The following ANKRD33B variants were observed in gnomAD, a reference collection of about 807,000 sequenced individuals.
The protein encoded by ANKRD33B is ankyrin repeat domain-containing protein 33B.
ANKRD33B carries 6 observed loss-of-function variants against 21.5 expected under a neutral mutation model. The ratio of observed to expected loss-of-function variants is 0.28; its 90% CI spans 0.15 to 0.55. The LOEUF (loss-of-function observed/expected upper bound fraction) is 0.55. ANKRD33B is among the 20% of genes least tolerant of loss of function. The pLI is 0.94. For synonymous variants in ANKRD33B, 347 were observed against 342.4 expected (o/e 1.01, Z -0.15); for missense variants, 698 against 747.2 (o/e 0.93, Z 0.77).
chr5:10,639,016 G>A (rs371286108), intron 3 of ANKRD33B, among the ~76,000 whole-genome samples: 3,467 of 80,448 alleles, frequency 0.043, 35 homozygotes, highest in African/African-American at 0.098. Context: ...AGGCGGTGAC[G>A]CGGAGTTGCG....
rs1737366889 is a variant in ANKRD33B, at chr5:10,651,952, G to A, written c.*1839G>A. 6.6e-6 allele frequency: 1 copy of A among 152,376 alleles called. No individual in the cohort carries two copies. Among genetic ancestry groups the A allele is most frequent in the Non-Finnish European group, 1.5e-5 (1 of 68,060 alleles). 9.4% of individuals were successfully genotyped at this position (152,376 alleles called of 1,614,324 possible). On this transcript the variant is annotated 3_prime_UTR_variant, in exon 4 of 4. Transcript: ENST00000296657. Reference sequence around the variant, plus strand: ...AAGGGCACCATGATGAATGCCACAGGAGACTGGACCCTCTTTGAGAACTGC... The same window carrying A: ...AAGGGCACCATGATGAATGCCACAGAAGACTGGACCCTCTTTGAGAACTGC...
Position 10,564,769 on chromosome 5 carries a change from TGCG to T in ANKRD33B, c.304_306del (p.Arg102del). On this transcript the variant is annotated inframe_deletion, in exon 1 of 4. Transcript: ENST00000296657. ...GCCTGCGCCAACAACGTGGGGCTGC[TGCG>T]GACGCTGGTGCGGCGCGGGGTGAGC... 6.5e-7 allele frequency: 1 copy of T among 1,526,736 alleles called. No individual in the cohort carries two copies. The highest frequency in any genetic ancestry group is 8.8e-7 in the Non-Finnish European group (1 of 1,140,824). 94.6% of individuals were successfully genotyped at this position (1,526,736 alleles called of 1,614,324 possible).
chr5:10,571,980 C>T (rs953252148), intron 1 of ANKRD33B, among the ~76,000 whole-genome samples: 1 of 151,936 alleles, frequency 6.6e-6, no homozygotes, highest in Admixed American at 6.6e-5. Flanking sequence ...CCTCTGCCTC[C>T]CAGGTTCAAG....
In ANKRD33B at chr5:10,634,171, G is replaced by A. The variant is rs767364089; in HGVS notation, c.497-3857G>A. On this transcript the variant is annotated intron_variant, in intron 2 of 3. Transcript: ENST00000296657. Reference sequence around the variant, plus strand: ...AAAAGCTGACTTCCAAAAGACACCCGGATTCTGAGTGGCAGGCCTGGGCCT... The same window carrying A: ...AAAAGCTGACTTCCAAAAGACACCCAGATTCTGAGTGGCAGGCCTGGGCCT... 3.9e-5 allele frequency among the ~76,000 whole-genome samples: 6 copies of A among 152,326 alleles called. No individual in the cohort carries two copies. In the East Asian group the frequency reaches 7.7e-4, roughly 20 times the overall value.
In ANKRD33B at chr5:10,650,270, C is replaced by G. The variant is rs1737315568; in HGVS notation, c.*157C>G. The G allele has an allele frequency of 4.8e-6, 4 of 825,936 alleles. No individual in the cohort carries two copies. The highest frequency in any genetic ancestry group is 5.0e-6 in the Non-Finnish European group (3 of 599,454). 51.2% of individuals were successfully genotyped at this position (825,936 alleles called of 1,614,324 possible). On this transcript the variant is annotated 3_prime_UTR_variant, in exon 4 of 4. Coordinates refer to ENST00000296657, the MANE Select transcript of ANKRD33B (RefSeq NM_001164440.2). Reference sequence around the variant, plus strand: ...TCCAGGCTGTTTGTCCAGGCTGCTTCCAAGAGAGGGCTGAGGGAGCCACAT... The same window carrying G: ...TCCAGGCTGTTTGTCCAGGCTGCTTGCAAGAGAGGGCTGAGGGAGCCACAT...
chr5:10,649,951 G>A lies in ANKRD33B; in HGVS notation c.1323G>A (p.Pro441=), dbSNP rs1737299734. Residue 441 remains proline, a synonymous_variant, in exon 4 of 4, where the codon CCG becomes CCA. Transcript: ENST00000296657. ...CGCCCACCTTCCAGCCCGAGCGGCC[G>A]GCGCGGAAGGGCAGCACCAAGGACA... ...APAPTFQPER[P]ARKGSTKDSG... 4 of 1,530,298 alleles carry A rather than the reference G, an allele frequency of 2.6e-6. No homozygotes were observed. The highest frequency in any genetic ancestry group is 2.5e-5 in the East Asian group (1 of 40,470). The allele number at this position is 1,530,298 out of a possible 1,614,324, so 94.8% of individuals were successfully genotyped here. A position where few individuals can be genotyped will look rare whatever the true frequency, so the allele number is the denominator to read the frequency against.
In ANKRD33B at chr5:10,576,986, C is replaced by T. The variant is rs766509263; in HGVS notation, c.366+12153C>T. On this transcript the variant is annotated intron_variant, in intron 1 of 3. Coordinates refer to ENST00000296657, the MANE Select transcript of ANKRD33B (RefSeq NM_001164440.2). This position sits in a 1 kb window ranked among gnomAD's most constrained non-coding sequence, Gnocchi z 4.1. ...AGCCTGTTGTGGGTGGGAGGAGAATCGGAAGCGGCATAAGGAGAGTTTTTC... is the reference window on the plus strand; with the variant it reads ...AGCCTGTTGTGGGTGGGAGGAGAATTGGAAGCGGCATAAGGAGAGTTTTTC... 1.2e-4 allele frequency among the ~76,000 whole-genome samples: 19 copies of T among 152,132 alleles called. No individual in the cohort carries two copies. The highest frequency in any genetic ancestry group is 2.2e-4 in the Non-Finnish European group (15 of 68,018).
At chr5:10,637,852 CCT>C (rs1411732286) in intron 2 of ANKRD33B, among the ~76,000 whole-genome samples, 174 bp from the exon 3 acceptor site, 9 of 152,124 alleles carry the variant, frequency 5.9e-5, no homozygotes, top group African/African-American at 1.9e-4. Context: ...CTTCTCCTTT[CCT>C]CTGTTTCCTG....
Position 10,650,145 on chromosome 5 carries a change from T to TGGGGCC in ANKRD33B, c.*38_*43dup. On this transcript the variant is annotated 3_prime_UTR_variant, in exon 4 of 4. Coordinates refer to ENST00000296657, the MANE Select transcript of ANKRD33B (RefSeq NM_001164440.2). The stretch of plus-strand genomic sequence containing the variant: ...GTGTGCCTGGCGCTGGGGCCGGGGC[T>TGGGGCC]GGGGCCGGGGCGGGGCCGCAGGGCT... 1.4e-6 allele frequency: 1 copy of TGGGGCC among 740,618 alleles called. No individual in the cohort carries two copies. The highest frequency in any genetic ancestry group is 1.8e-6 in the Non-Finnish European group (1 of 555,528). The allele number at this position is 740,618 out of a possible 1,614,324, so 45.9% of individuals were successfully genotyped here.
rs1254409452 is a variant in ANKRD33B, at chr5:10,650,933, GA to G, written c.*827del. 2.0e-5 allele frequency: 3 copies of G among 152,158 alleles called. No homozygotes were observed. The highest frequency in any genetic ancestry group is 7.2e-5 in the African/African-American group (3 of 41,388). 9.4% of individuals were successfully genotyped at this position (152,158 alleles called of 1,614,324 possible). Reference sequence around the variant, plus strand: ...TCTTTAACATTAAAAATAGATATGAGAAAAAAACTGTCATTCGATAAAATGA... The same window carrying G: ...TCTTTAACATTAAAAATAGATATGAGAAAAAACTGTCATTCGATAAAATGA... On this transcript the variant is annotated 3_prime_UTR_variant, in exon 4 of 4. Transcript: ENST00000296657.
chr5:10,637,915 C>T, intron 2 of ANKRD33B, 113 bp from the exon 3 acceptor site: 1 of 1,241,070 alleles, frequency 8.1e-7, no homozygotes, highest in Admixed American at 2.5e-5. Context: ...ACACAGCAGA[C>T]CGGCTGGCCC....
At chr5:10,610,373 G>T (rs1736142564) in intron 1 of ANKRD33B, among the ~76,000 whole-genome samples, 1 of 152,068 alleles carries the variant, frequency 6.6e-6, no homozygotes, top group South Asian at 2.1e-4. Context: ...AATGGGTAGA[G>T]ACCAGGGATT....
chr5:10,585,314 A>G (rs369972298), intron 1 of ANKRD33B, among the ~76,000 whole-genome samples: 2 of 152,316 alleles, frequency 1.3e-5, no homozygotes, highest in Admixed American at 1.3e-4. Flanking sequence ...GTTTAAATCA[A>G]CAAGTGTTTT....
chr5:10,610,412 G>A lies in ANKRD33B; in HGVS notation c.367-7921G>A, dbSNP rs369734713. Among the ~76,000 whole-genome samples the A allele has an allele frequency of 4.9e-3, 670 of 135,444 alleles. 11 individuals are homozygous for A. Among genetic ancestry groups the A allele is most frequent in the African/African-American group, 0.019 (646 of 33,734 alleles). The allele number at this position is 135,444 out of a possible 152,430, so 88.9% of individuals were successfully genotyped here. A position where few individuals can be genotyped will look rare whatever the true frequency, so the allele number is the denominator to read the frequency against. Reference sequence around the variant, plus strand: ...TAGTACAGGGGACAGCCCCCCCCCCGAATAAAGAATTATCTGGCCCCACAT... The same window carrying A: ...TAGTACAGGGGACAGCCCCCCCCCCAAATAAAGAATTATCTGGCCCCACAT... On this transcript the variant is annotated intron_variant, in intron 1 of 3. Coordinates refer to ENST00000296657, the MANE Select transcript of ANKRD33B (RefSeq NM_001164440.2).
In ANKRD33B at chr5:10,654,040, T is replaced by G. The variant is rs1243667596; in HGVS notation, c.*3927T>G. On this transcript the variant is annotated 3_prime_UTR_variant, in exon 4 of 4. Coordinates refer to ENST00000296657, the MANE Select transcript of ANKRD33B (RefSeq NM_001164440.2). ...GCCTTTCCTTCCTTTGTCTGTTTTCTTCTCCCAGCTGGTTTAAGTTCTTGA... is the reference window on the plus strand; with the variant it reads ...GCCTTTCCTTCCTTTGTCTGTTTTCGTCTCCCAGCTGGTTTAAGTTCTTGA... 6.6e-6 allele frequency: 1 copy of G among 152,636 alleles called. No homozygotes were observed. Among genetic ancestry groups the G allele is most frequent in the East Asian group, 1.9e-4 (1 of 5,294 alleles). The allele number at this position is 152,636 out of a possible 1,614,324, so 9.5% of individuals were successfully genotyped here.
At position 10,619,140 on chromosome 5, in the gene ANKRD33B, T is replaced by G. The variant is rs535683901; in HGVS notation, c.496+678T>G. Among the ~76,000 whole-genome samples the G allele has an allele frequency of 1.3e-5, 2 of 152,308 alleles. No homozygotes were observed. The highest frequency in any genetic ancestry group is 4.1e-4 in the South Asian group (2 of 4,822). On this transcript the variant is annotated intron_variant, in intron 2 of 3. Transcript: ENST00000296657. This position sits in a 1 kb window ranked among gnomAD's most constrained non-coding sequence, Gnocchi z 4.5. ...TTGCCTCTTCATAATCACACTTCAT[T>G]TGGAACAGTGGTCTTGACCAGGTTT...
At chr5:10,647,051 G>C (rs905728067) in intron 3 of ANKRD33B, among the ~76,000 whole-genome samples, 4 of 152,160 alleles carry the variant, frequency 2.6e-5, no homozygotes, top group Non-Finnish European at 5.9e-5. Flanking sequence ...AATTGCCCTA[G>C]TTCTCCATGT....
chr5:10,614,379 G>A (rs1056857572), intron 1 of ANKRD33B, among the ~76,000 whole-genome samples: 3 of 152,216 alleles, frequency 2.0e-5, no homozygotes, highest in Non-Finnish European at 4.4e-5. Flanking sequence ...GCCTAGCCAA[G>A]TTGATACATG....
chr5:10,648,250 T>G (rs768448442), intron 3 of ANKRD33B, among the ~76,000 whole-genome samples: 2 of 152,150 alleles, frequency 1.3e-5, no homozygotes, highest in Admixed American at 6.5e-5. Context: ...TAGGCCGCAG[T>G]GGGAGAAGCG....
Sources: gnomAD v4.1 joint callset for allele counts (sites outside exome capture counted in the v4.1 genomes callset) on GRCh38, gnomAD v4.1.1 for gene constraint, Gnocchi (gnomAD v3.1) non-coding constraint, MANE v1.5 for transcripts, NCBI Gene and HGNC (gene_info 2026-07-23, HGNC 2026-07-21) for gene names.